Variants in SBF2 observed in about 807,000 individuals in gnomAD.
The protein encoded by SBF2 is myotubularin-related protein 13.
SBF2 carries 112 observed loss-of-function variants against 225.2 expected under a neutral mutation model. That is an observed-to-expected ratio of 0.50 (90% CI 0.43 to 0.58). SBF2 has a LOEUF of 0.58. Among genes scored for constraint, SBF2 ranks in the 20% least tolerant of loss-of-function variants. The pLI is 0.00. For synonymous variants in SBF2, 763 were observed against 773.3 expected, an observed-to-expected ratio of 0.99 and a Z score of 0.22; for missense variants, 1,996 against 2,206.2, an observed-to-expected ratio of 0.90 and a Z score of 1.91.
chr11:9,908,809 C>T (rs1163451311), intron 16 of SBF2, among the ~76,000 whole-genome samples: 1 of 151,622 alleles, frequency 6.6e-6, no homozygotes, highest in Non-Finnish European at 1.5e-5. Context: ...GCGATCCTCC[C>T]AAGCAGCTGG....
At chr11:10,232,429 C>T (rs1208673325) in intron 1 of SBF2, among the ~76,000 whole-genome samples, 2 of 152,218 alleles carry the variant, frequency 1.3e-5, no homozygotes, top group African/African-American at 2.4e-5. Context: ...GGAGCTGTTC[C>T]TATTCGGCCA....
chr11:10,095,957 T>G (rs1304833018), intron 2 of SBF2, among the ~76,000 whole-genome samples: 1 of 152,188 alleles, frequency 6.6e-6, no homozygotes, highest in African/African-American at 2.4e-5. Context: ...TATTTCAACC[T>G]GCCATTGCTT....
At position 9,895,925 on chromosome 11, in the gene SBF2, TG is replaced by T; in HGVS notation, c.1929+17del. 1 of 1,560,440 alleles carries T rather than the reference TG, an allele frequency of 6.4e-7. No homozygotes were observed. Among genetic ancestry groups the T allele is most frequent in the Non-Finnish European group, 8.8e-7 (1 of 1,131,256 alleles). On this transcript the variant is annotated intron_variant, in intron 17 of 39. Coordinates refer to ENST00000256190, the MANE Select transcript of SBF2 (RefSeq NM_030962.4). ...ATGTAAATCATAACAAGCTTATATA[TG>T]GACCAATGAAACTTACCCTATAGAA...
chr11:9,965,540 G>A (rs891601034), intron 14 of SBF2, among the ~76,000 whole-genome samples: 51 of 151,966 alleles, frequency 3.4e-4, no homozygotes, highest in Admixed American at 2.6e-4. Context: ...CGCCGACCTC[G>A]GCCTCCCAAA....
rs1554990623 is a variant in SBF2 at position 10,029,823 on chromosome 11, A to C, written c.455T>G (p.Leu152Trp). The change falls in exon 5 of 40, where the codon TTG (leucine) becomes TGG (tryptophan). Residue 152 changes from leucine (L) to tryptophan (W), a missense_variant. Leu to Trp is a moderately conservative substitution (Grantham distance 61). Transcript: ENST00000256190. ...ACAAAGGTTTGCAATTAGACTTTCC[A>C]AGGAGACATTCAGGCTGTCCACATA... Reference protein sequence around the residue: ...TVYVDSLNVSLESLIANLCAC... With the variant: ...TVYVDSLNVSWESLIANLCAC... 3 of 1,613,972 alleles carry C rather than the reference A, an allele frequency of 1.9e-6. No individual in the cohort carries two copies. The highest frequency in any genetic ancestry group is 2.5e-6 in the Non-Finnish European group (3 of 1,179,856).
rs566061153 is a variant in SBF2 at position 9,937,796 on chromosome 11, T to C, written c.1860+24161A>G. The stretch of plus-strand genomic sequence containing the variant: ...GTATTAAATAAGTATGTAAAAGCAA[T>C]AGTTTTGATTTATTATAGCAAAAAA... On this transcript the variant is annotated intron_variant, in intron 16 of 39. Coordinates refer to ENST00000256190, the MANE Select transcript of SBF2 (RefSeq NM_030962.4). Among the ~76,000 whole-genome samples, 3 of 152,208 alleles carry C rather than the reference T, an allele frequency of 2.0e-5. No individual in the cohort carries two copies. In the East Asian group the frequency reaches 5.8e-4, roughly 29 times the overall value.
chr11:9,992,663 TG>T, intron 11 of SBF2, 120 bp from the exon 12 acceptor site: 1 of 892,154 alleles, frequency 1.1e-6, no homozygotes, highest in Non-Finnish European at 1.7e-6. Flanking sequence ...AAATATATGC[TG>T]TCATAAAATA....
chr11:10,044,794 C>T (rs770694858), intron 2 of SBF2, among the ~76,000 whole-genome samples: 7 of 152,206 alleles, frequency 4.6e-5, no homozygotes, highest in African/African-American at 9.7e-5. Flanking sequence ...CACTTCTACC[C>T]GCTCCCTTGC....
chr11:10,295,009 G>C (rs1163066986), upstream of SBF2, among the ~76,000 whole-genome samples: 2 of 152,246 alleles, frequency 1.3e-5, no homozygotes, highest in Non-Finnish European at 2.9e-5. Context: ...TATCAAAGTC[G>C]CTTGCTTTTT....
intron 6 of SBF2, among the ~76,000 whole-genome samples, chr11:10,012,775 T>C (rs1280219931): frequency 6.6e-6 from 1 of 152,174 alleles, no homozygotes; most frequent in Non-Finnish European, 1.5e-5. Flanking sequence ...TATATTTTTT[T>C]CCTGAAAGCT....
At chr11:9,903,638 C>T (rs970970186) in intron 16 of SBF2, among the ~76,000 whole-genome samples, 1 of 152,184 alleles carries the variant, frequency 6.6e-6, no homozygotes, top group Non-Finnish European at 1.5e-5. Flanking sequence ...GGAAGAGACC[C>T]AAGCGGGCAC....
rs1963444200 is a variant in SBF2, at chr11:10,282,084, G to A, written c.55+11931C>T. 2.0e-5 allele frequency among the ~76,000 whole-genome samples: 3 copies of A among 152,172 alleles called. No individual in the cohort carries two copies. The South Asian group carries it at 6.2e-4, about 31-fold the overall frequency. On this transcript the variant is annotated intron_variant, in intron 1 of 39. Transcript: ENST00000256190. ...CACAACTCTACTATAATGTTCGAAA[G>A]TTATCCTAATTATTAAATCCATAAG...
intron 16 of SBF2, among the ~76,000 whole-genome samples, chr11:9,930,322 C>T (rs1222645937): frequency 6.6e-6 from 1 of 152,066 alleles, no homozygotes; most frequent in African/African-American, 2.4e-5. Flanking sequence ...ATGCATACTA[C>T]ATACATCAAA....
At chr11:9,862,070 T>C (rs1857797315) in intron 17 of SBF2, among the ~76,000 whole-genome samples, 1 of 152,116 alleles carries the variant, frequency 6.6e-6, no homozygotes, top group Admixed American at 6.6e-5. Context: ...ATGGCATCTG[T>C]GATAGTGGCA....
At chr11:10,192,247 T>C (rs1006722525) in intron 2 of SBF2, among the ~76,000 whole-genome samples, 2 of 152,084 alleles carry the variant, frequency 1.3e-5, no homozygotes, top group Non-Finnish European at 2.9e-5. Context: ...CCTTGGATCC[T>C]CACATTCCTT....
At chr11:10,117,773 G>GT (rs1362085813) in intron 2 of SBF2, among the ~76,000 whole-genome samples, 251 of 143,626 alleles carry the variant, frequency 1.7e-3, no homozygotes, top group Middle Eastern at 3.6e-3. Flanking sequence ...ATGTTGTTGG[G>GT]TTTTTTTTTT....
chr11:10,125,832 T>C (rs1048572588), intron 2 of SBF2, among the ~76,000 whole-genome samples: 3 of 152,212 alleles, frequency 2.0e-5, no homozygotes, highest in African/African-American at 7.2e-5. Context: ...TTTTCTTTTT[T>C]TCCCATAAAC....
rs144872870 is a variant in SBF2 at position 10,088,964 on chromosome 11, C to T, written c.142-45983G>A. Among the ~76,000 whole-genome samples, 29 of 152,280 alleles carry T rather than the reference C, an allele frequency of 1.9e-4. No individual in the cohort carries two copies. In the East Asian group the frequency reaches 5.0e-3, roughly 26 times the overall value. ...ATAAATTAACTGAAATAATTATCATCGGCCCCAAGATCATCATCAGTATTT... is the reference window on the plus strand; with the variant it reads ...ATAAATTAACTGAAATAATTATCATTGGCCCCAAGATCATCATCAGTATTT... On this transcript the variant is annotated intron_variant, in intron 2 of 39. Coordinates refer to ENST00000256190, the MANE Select transcript of SBF2 (RefSeq NM_030962.4).
In SBF2 at chr11:10,046,636, T is replaced by A. The variant is rs546106815; in HGVS notation, c.142-3655A>T. ...CCTCAACTTGATAAAGAATATCTTT[T>A]AAAAAAAAAAAACTCCTATGGCTAG... On this transcript the variant is annotated intron_variant, in intron 2 of 39. Coordinates refer to ENST00000256190, the MANE Select transcript of SBF2 (RefSeq NM_030962.4). Among the ~76,000 whole-genome samples, 323 of 143,286 alleles carry A rather than the reference T, an allele frequency of 2.3e-3. 3 individuals are homozygous for A. The highest frequency in any genetic ancestry group is 0.013 in the East Asian group (63 of 4,986). 94.0% of individuals were successfully genotyped at this position (143,286 alleles called of 152,430 possible).
Sources: gnomAD v4.1 joint callset for allele counts (sites outside exome capture counted in the v4.1 genomes callset) on GRCh38, gnomAD v4.1.1 for gene constraint, MANE v1.5 for transcripts, NCBI Gene and HGNC (gene_info 2026-07-23, HGNC 2026-07-21) for gene names.